The following ARMH4 variants were observed in gnomAD, a reference collection of about 807,000 sequenced individuals.
The protein encoded by ARMH4 is armadillo-like helical domain-containing protein 4.
A neutral mutation model predicts 61.9 loss-of-function variants in ARMH4; 49 were observed. The observed-to-expected ratio is 0.79, with a 90% CI of 0.63 to 1.00. ARMH4 has a LOEUF of 1.00. Ranked by LOEUF, ARMH4 falls within the 50% of genes least tolerant of loss-of-function variation. ARMH4 has a pLI of 0.00. For synonymous variants in ARMH4, 368 were observed against 341.5 expected, an observed-to-expected ratio of 1.08 and a Z score of -0.85; for missense variants, 934 against 930.0, an observed-to-expected ratio of 1.00 and a Z score of -0.06.
intron 5 of ARMH4, among the ~76,000 whole-genome samples, chr14:58,031,915 C>T (rs1414542938): frequency 1.3e-5 from 2 of 152,208 alleles, no homozygotes; most frequent in African/African-American, 4.8e-5. Flanking sequence ...GATCACATCA[C>T]TCCCTACTTA....
At chr14:58,034,194 T>C (rs1438681619) in intron 5 of ARMH4, among the ~76,000 whole-genome samples, 84 of 137,284 alleles carry the variant, frequency 6.1e-4, no homozygotes, top group Non-Finnish European at 9.0e-4. Flanking sequence ...ATCAGACTAA[T>C]AGCGGATCTC....
chr14:58,099,222 TTAA>T (rs1388105537), intron 4 of ARMH4, among the ~76,000 whole-genome samples: 3 of 152,200 alleles, frequency 2.0e-5, no homozygotes, highest in Non-Finnish European at 4.4e-5. Flanking sequence ...TGTCAATTTA[TTAA>T]TAATATTCAA....
intron 5 of ARMH4, among the ~76,000 whole-genome samples, chr14:58,061,416 C>G (rs1451249452): frequency 1.3e-5 from 2 of 152,146 alleles, no homozygotes; most frequent in African/African-American, 4.8e-5. Flanking sequence ...TTCCCACCAC[C>G]TTACCGAGCC....
At chr14:58,042,428 T>A (rs930383634) in intron 5 of ARMH4, among the ~76,000 whole-genome samples, 1 of 152,058 alleles carries the variant, frequency 6.6e-6, no homozygotes, top group Admixed American at 6.6e-5. Flanking sequence ...CATACCAGAA[T>A]CTCTGGGACA....
intron 4 of ARMH4, among the ~76,000 whole-genome samples, chr14:58,104,161 T>C (rs1472107179): frequency 6.6e-6 from 1 of 152,186 alleles, no homozygotes; most frequent in Admixed American, 6.5e-5. Flanking sequence ...TCCTTCTCTC[T>C]GCCCTGAAAT....
chr14:58,126,184 C>T (rs1317957888), intron 4 of ARMH4, among the ~76,000 whole-genome samples: 3 of 152,190 alleles, frequency 2.0e-5, no homozygotes, highest in African/African-American at 7.2e-5. Context: ...CACCCTAATG[C>T]TACTTAAACA....
chr14:58,108,808 T>C (rs1334594103), intron 4 of ARMH4, among the ~76,000 whole-genome samples: 1 of 152,244 alleles, frequency 6.6e-6, no homozygotes, highest in East Asian at 1.9e-4. Flanking sequence ...AACATCCTAA[T>C]GTCTAGATAA....
chr14:58,147,963 C>A (rs1318574882), intron 1 of ARMH4, among the ~76,000 whole-genome samples: 1 of 152,190 alleles, frequency 6.6e-6, no homozygotes, highest in African/African-American at 2.4e-5. Context: ...CAACCCCATA[C>A]CACTGGTGCC....
At chr14:58,132,810 C>T (rs1220860034) in intron 3 of ARMH4, among the ~76,000 whole-genome samples, 2 of 152,104 alleles carry the variant, frequency 1.3e-5, no homozygotes, top group East Asian at 1.9e-4. Context: ...TGGTCTCAAT[C>T]TCCTGACTTC....
At chr14:58,049,127 T>C (rs924349593) in intron 5 of ARMH4, among the ~76,000 whole-genome samples, 1 of 150,484 alleles carries the variant, frequency 6.6e-6, no homozygotes. Flanking sequence ...TAGTCCCAGA[T>C]ACTAGGGAGG....
intron 5 of ARMH4, among the ~76,000 whole-genome samples, chr14:58,015,017 A>C (rs1004170847): frequency 1.4e-4 from 22 of 152,354 alleles, no homozygotes; most frequent in African/African-American, 5.3e-4. Context: ...GAAGAGGAAA[A>C]GGAGGCAAAG....
At chr14:58,047,851 A>G (rs66766832) in intron 5 of ARMH4, among the ~76,000 whole-genome samples, 9,698 of 152,278 alleles carry the variant, frequency 0.064, 400 homozygotes, top group African/African-American at 0.11. Context: ...TCCCCAGGTC[A>G]TAAGTCAAGC....
rs866140595 is a variant in ARMH4, at chr14:58,041,189, G to A, written c.2090-29039C>T. Reference sequence around the variant, plus strand: ...CATCGCCTCACCCGGGAAGCGTAAGGGGTCAGAGAATTCCCTTTCCTAGCC... The same window carrying A: ...CATCGCCTCACCCGGGAAGCGTAAGAGGTCAGAGAATTCCCTTTCCTAGCC... On this transcript the variant is annotated intron_variant, in intron 5 of 7. Coordinates refer to ENST00000267485, the MANE Select transcript of ARMH4 (RefSeq NM_001001872.4). Among the ~76,000 whole-genome samples, 107 of 152,264 alleles carry A rather than the reference G, an allele frequency of 7.0e-4. 1 individual carries two copies. Among genetic ancestry groups the A allele is most frequent in the Non-Finnish European group, 1.2e-3 (81 of 68,020 alleles).
intron 4 of ARMH4, among the ~76,000 whole-genome samples, chr14:58,118,194 A>G (rs2141298941): frequency 6.6e-6 from 1 of 152,296 alleles, no homozygotes; most frequent in Non-Finnish European, 1.5e-5. Flanking sequence ...AGCTCTGAGT[A>G]TTATTTGCTA....
chr14:58,014,791 A>G (rs1164780258), intron 5 of ARMH4, among the ~76,000 whole-genome samples: 1 of 152,206 alleles, frequency 6.6e-6, no homozygotes, highest in African/African-American at 2.4e-5. Flanking sequence ...GACAAGCAGC[A>G]ATGTAGGGAC....
chr14:58,141,527 G>T, intron 1 of ARMH4: 2 of 532,164 alleles, frequency 3.8e-6, no homozygotes, highest in Non-Finnish European at 3.8e-6. Flanking sequence ...CCTTCCCTCC[G>T]CCAGCTCGTC....
chr14:58,072,544 C>A (rs924680392), intron 5 of ARMH4, among the ~76,000 whole-genome samples: 1 of 151,942 alleles, frequency 6.6e-6, no homozygotes, highest in Non-Finnish European at 1.5e-5. Context: ...CGTCGTGAAA[C>A]CCCATCTCTA....
chr14:58,096,833 A>G lies in ARMH4; in HGVS notation c.1980T>C (p.Gly660=), dbSNP rs1219332175. The change falls in exon 5 of 8, where the codon GGT becomes GGC. Residue 660 remains glycine (G), a synonymous_variant. Coordinates refer to ENST00000267485, the MANE Select transcript of ARMH4 (RefSeq NM_001001872.4). Reference sequence around the variant, plus strand: ...CTAAGCCTGGTTCCTGGGATGTGATACCAGGGAGGGTAAAACCTGGCAGCT... The same window carrying G: ...CTAAGCCTGGTTCCTGGGATGTGATGCCAGGGAGGGTAAAACCTGGCAGCT... ...DTELPGFTLP[G]ITSQEPGLEE... 6.2e-7 allele frequency: 1 copy of G among 1,613,922 alleles called. No homozygotes were observed. Among genetic ancestry groups the G allele is most frequent in the African/African-American group, 1.3e-5 (1 of 74,852 alleles).
intron 5 of ARMH4, among the ~76,000 whole-genome samples, chr14:58,083,298 A>G (rs1318648882): frequency 6.6e-6 from 1 of 152,216 alleles, no homozygotes; most frequent in East Asian, 1.9e-4. Flanking sequence ...ATTAAGTATC[A>G]GCCAGGCATG....
Sources: gnomAD v4.1 joint callset for allele counts (sites outside exome capture counted in the v4.1 genomes callset) on GRCh38, gnomAD v4.1.1 for gene constraint, MANE v1.5 for transcripts, NCBI Gene and HGNC (gene_info 2026-07-23, HGNC 2026-07-21) for gene names.